PTPN14: variants seen among roughly 807,000 people sequenced by gnomAD.
The protein encoded by PTPN14 is tyrosine-protein phosphatase non-receptor type 14.
In PTPN14, 53 loss-of-function variants were observed where a neutral mutation model predicts 126.8. That is an observed-to-expected ratio of 0.42 (90% CI 0.34 to 0.53). The LOEUF (loss-of-function observed/expected upper bound fraction) is 0.53. Ranked by LOEUF, PTPN14 falls within the 20% of genes least tolerant of loss-of-function variation. The probability of loss-of-function intolerance (pLI) is 0.08; values close to 1 mark genes in which losing one functional copy is unlikely to be tolerated. For synonymous variants in PTPN14, 630 were observed against 599.3 expected (o/e 1.05, Z -0.75); for missense variants, 1,257 against 1,552.9 (o/e 0.81, Z 3.20).
At chr1:214,453,203 C>T (rs1413425435) in intron 2 of PTPN14, among the ~76,000 whole-genome samples, 1 of 152,208 alleles carries the variant, frequency 6.6e-6, no homozygotes, top group African/African-American at 2.4e-5. Flanking sequence ...ATTTCTTGAG[C>T]AACAAAATGC....
intron 1 of PTPN14, among the ~76,000 whole-genome samples, chr1:214,516,274 G>C (rs1473725493): frequency 6.6e-6 from 1 of 152,130 alleles, no homozygotes; most frequent in African/African-American, 2.4e-5. Context: ...ATTTCTCTAT[G>C]ATGCCTTGTG....
At chr1:214,460,524 A>AACACACAC (rs10522279) in intron 2 of PTPN14, among the ~76,000 whole-genome samples, 5,244 of 132,574 alleles carry the variant, frequency 0.04, 124 homozygotes, top group African/African-American at 0.05. Flanking sequence ...TGAAAATTCC[A>AACACACAC]ACACACACAC....
intron 13 of PTPN14, among the ~76,000 whole-genome samples, chr1:214,381,131 T>C (rs1042450396): frequency 6.6e-6 from 1 of 152,236 alleles, no homozygotes; most frequent in African/African-American, 2.4e-5. Flanking sequence ...TCCTTTGTGA[T>C]AATGCAAGGA....
In PTPN14 at chr1:214,401,398, G is replaced by A. The variant is rs115488325; in HGVS notation, c.669+287C>T. On this transcript the variant is annotated intron_variant, in intron 7 of 18. Transcript: ENST00000366956. The stretch of plus-strand genomic sequence containing the variant: ...ACATTGGCTACTTGTCCTGTTATAA[G>A]GCTGGATATCAGCCTTGATACCTCC... Among the ~76,000 whole-genome samples, 611 of 152,328 alleles carry A rather than the reference G, an allele frequency of 4.0e-3. 7 individuals carry two copies. The highest frequency in any genetic ancestry group is 0.013 in the African/African-American group (560 of 41,570).
intron 16 of PTPN14, 26 bp downstream of exon 16, chr1:214,372,685 G>C (rs747141733): frequency 6.2e-6 from 10 of 1,613,686 alleles, no homozygotes; most frequent in Non-Finnish European, 8.5e-6. Context: ...GGGGAAAAAG[G>C]ATGTGGAGTA....
chr1:214,475,683 C>CCGA (rs58127916), intron 1 of PTPN14, among the ~76,000 whole-genome samples: 4,350 of 152,242 alleles, frequency 0.029, 226 homozygotes, highest in African/African-American at 0.1. Flanking sequence ...ATCAGCACCG[C>CCGA]CATTTGTGAA....
chr1:214,515,679 T>C (rs1228202555), intron 1 of PTPN14, among the ~76,000 whole-genome samples: 1 of 152,210 alleles, frequency 6.6e-6, no homozygotes, highest in Non-Finnish European at 1.5e-5. Context: ...GAGAAATTTG[T>C]TTCTAAATAT....
intron 13 of PTPN14, among the ~76,000 whole-genome samples, chr1:214,382,405 T>C (rs1453090136): frequency 6.6e-6 from 1 of 152,246 alleles, no homozygotes; most frequent in East Asian, 1.9e-4. Context: ...CACTAAAGCC[T>C]TGAATTCCTG....
chr1:214,447,868 C>G (rs1057503726), intron 3 of PTPN14, among the ~76,000 whole-genome samples: 1 of 152,150 alleles, frequency 6.6e-6, no homozygotes, highest in Non-Finnish European at 1.5e-5. Flanking sequence ...TTTTTCTGAT[C>G]AAATGTCAGC....
chr1:214,484,306 G>A (rs1344894822), intron 1 of PTPN14, among the ~76,000 whole-genome samples: 1 of 152,156 alleles, frequency 6.6e-6, no homozygotes, highest in Non-Finnish European at 1.5e-5. Flanking sequence ...CAGGAAGCTG[G>A]GGCAAGAGAA....
intron 1 of PTPN14, chr1:214,533,053 G>A (rs1655594930): frequency 1.3e-6 from 1 of 747,920 alleles, no homozygotes; most frequent in East Asian, 2.5e-5. Flanking sequence ...TGGAGCTGCT[G>A]AGATGACACT....
At chr1:214,485,105 A>C (rs1448731083) in intron 1 of PTPN14, among the ~76,000 whole-genome samples, 1 of 152,250 alleles carries the variant, frequency 6.6e-6, no homozygotes, top group African/African-American at 2.4e-5. Flanking sequence ...GAGTCTAACC[A>C]GATTATTAGT....
chr1:214,390,906 C>T, intron 11 of PTPN14, 82 bp downstream of exon 11: 1 of 1,186,872 alleles, frequency 8.4e-7, no homozygotes, highest in Non-Finnish European at 1.1e-6. Context: ...ATCATGATGC[C>T]CTCATCATCC....
rs1228924045 is a variant in PTPN14 at position 214,364,566 on chromosome 1, C to T, written c.3381G>A (p.Arg1127=). 3.7e-6 allele frequency: 6 copies of T among 1,613,952 alleles called. No homozygotes were observed. Among genetic ancestry groups the T allele is most frequent in the Non-Finnish European group, 5.1e-6 (6 of 1,180,040 alleles). The part of the protein sequence containing the change: ...IVVHCSAGVG[R]TGVLILSELM... Reference sequence around the variant, plus strand: ...GCTCAGAAAGAATGAGCACGCCGGTCCTTCCCACCCCAGCACTACAGTGGA... The same window carrying T: ...GCTCAGAAAGAATGAGCACGCCGGTTCTTCCCACCCCAGCACTACAGTGGA... The change falls in exon 18 of 19, where the codon AGG becomes AGA. Residue 1127 remains arginine (R), a synonymous_variant. Transcript: ENST00000366956. This position sits in a 1 kb window ranked among gnomAD's most constrained non-coding sequence, Gnocchi z 4.1.
chr1:214,464,619 A>AC lies in PTPN14; in HGVS notation c.174+10dup. On this transcript the variant is annotated intron_variant, in intron 2 of 18. Transcript: ENST00000366956. ...CACGCGCACATGCGCACACAGACAC[A>AC]CCCCTCTTACCTCTCGCAGCTCCAG... The AC allele has an allele frequency of 1.2e-6, 2 of 1,612,886 alleles. No individual in the cohort carries two copies. The highest frequency in any genetic ancestry group is 1.7e-6 in the Non-Finnish European group (2 of 1,179,040).
rs1244828616 is a variant in PTPN14, at chr1:214,550,258, T to G, written c.-155+925A>C. ...TGGATGAATGAGTAAACTAATCCAT[T>G]TCAAGAAGTTAACACATTGGTGGAA... On this transcript the variant is annotated intron_variant, in intron 1 of 18. Transcript: ENST00000366956. 2.0e-5 allele frequency among the ~76,000 whole-genome samples: 3 copies of G among 152,306 alleles called. No homozygotes were observed. The East Asian group carries it at 5.8e-4, about 29-fold the overall frequency.
intron 17 of PTPN14, among the ~76,000 whole-genome samples, chr1:214,369,226 A>T (rs1247234934): frequency 6.6e-6 from 1 of 152,246 alleles, no homozygotes; most frequent in African/African-American, 2.4e-5. Flanking sequence ...AGGTAGAGCC[A>T]ATATGTTGAT....
chr1:214,385,735 C>T (rs372534759), intron 12 of PTPN14, among the ~76,000 whole-genome samples: 2 of 152,130 alleles, frequency 1.3e-5, no homozygotes, highest in East Asian at 3.9e-4. Context: ...TGACTGAAGA[C>T]ATTCAACTGT....
chr1:214,373,316 AGTGCTG>A (rs1378496776), intron 15 of PTPN14, among the ~76,000 whole-genome samples: 1 of 152,164 alleles, frequency 6.6e-6, no homozygotes, highest in African/African-American at 2.4e-5. Flanking sequence ...AGCCTCCCAA[AGTGCTG>A]GGATTACAGG....
Sources: gnomAD v4.1 joint callset for allele counts (sites outside exome capture counted in the v4.1 genomes callset) on GRCh38, gnomAD v4.1.1 for gene constraint, Gnocchi (gnomAD v3.1) non-coding constraint, MANE v1.5 for transcripts, NCBI Gene and HGNC (gene_info 2026-07-23, HGNC 2026-07-21) for gene names.